Variants in RYR3 observed in about 807,000 individuals in gnomAD.
RYR3 encodes the protein brain ryanodine receptor-calcium release channel.
RYR3 carries 207 observed loss-of-function variants against 584.3 expected under a neutral mutation model. The ratio of observed to expected loss-of-function variants is 0.35; its 90% CI spans 0.32 to 0.40. The LOEUF (loss-of-function observed/expected upper bound fraction) is 0.40, where lower values mean the gene tolerates loss of function less well. Ranked by LOEUF, RYR3 falls within the 10% of genes least tolerant of loss-of-function variation. The pLI is 1.00. For missense variants in RYR3, 5,616 were observed against 6,089.2 expected (o/e 0.92, Z 2.59); for synonymous variants, 2,416 against 2,248.5 (o/e 1.07, Z -2.11).
intron 1 of RYR3, among the ~76,000 whole-genome samples, chr15:33,386,026 A>G (rs886996912): frequency 3.4e-4 from 52 of 152,154 alleles, no homozygotes; most frequent in African/African-American, 1.2e-3. Flanking sequence ...TTTTTAAAAC[A>G]TGTTACTGTT....
intron 3 of RYR3, among the ~76,000 whole-genome samples, chr15:33,522,465 C>T (rs1052652954): frequency 6.6e-6 from 1 of 152,158 alleles, no homozygotes; most frequent in Non-Finnish European, 1.5e-5. Flanking sequence ...GTCAATGGCT[C>T]AGGCACCTCT....
chr15:33,504,436 A>T (rs760829572), intron 3 of RYR3, among the ~76,000 whole-genome samples: 1 of 152,148 alleles, frequency 6.6e-6, no homozygotes, highest in Non-Finnish European at 1.5e-5. Context: ...AATATCTCAA[A>T]TTCAACCATT....
chr15:33,794,069 AAT>A (rs897939772), intron 67 of RYR3, among the ~76,000 whole-genome samples: 4 of 123,722 alleles, frequency 3.2e-5, no homozygotes, highest in Non-Finnish European at 6.3e-5. Flanking sequence ...TACATAAATA[AAT>A]ATATATAAAT....
intron 43 of RYR3, among the ~76,000 whole-genome samples, chr15:33,713,701 A>C (rs1403181560): frequency 6.6e-6 from 1 of 152,118 alleles, no homozygotes; most frequent in African/African-American, 2.4e-5. Context: ...AAACAACGTA[A>C]ATTTATCTCT....
intron 1 of RYR3, among the ~76,000 whole-genome samples, chr15:33,362,876 A>G (rs888970166): frequency 6.6e-6 from 1 of 152,110 alleles, no homozygotes; most frequent in Non-Finnish European, 1.5e-5. Flanking sequence ...TCAGGGGGTT[A>G]CCTGTATCAT....
chr15:33,850,129 C>T (rs568911668), intron 94 of RYR3: 4 of 152,158 alleles, frequency 2.6e-5, no homozygotes, highest in African/African-American at 4.8e-5. Flanking sequence ...GCCTGTAATC[C>T]CAGCGCTTTG....
intron 10 of RYR3, among the ~76,000 whole-genome samples, chr15:33,551,132 C>T (rs1009198996): frequency 6.6e-6 from 1 of 152,214 alleles, no homozygotes; most frequent in Non-Finnish European, 1.5e-5. Context: ...GAGCTAACTT[C>T]TGACAGACAG....
At chr15:33,798,525 A>G (rs2075751719) in intron 67 of RYR3, among the ~76,000 whole-genome samples, 1 of 152,248 alleles carries the variant, frequency 6.6e-6, no homozygotes, top group Non-Finnish European at 1.5e-5. Context: ...GGAGAAAGGC[A>G]AAAAGACACC....
intron 3 of RYR3, among the ~76,000 whole-genome samples, chr15:33,504,022 C>T (rs2052240823): frequency 6.6e-6 from 1 of 152,186 alleles, no homozygotes; most frequent in Non-Finnish European, 1.5e-5. Flanking sequence ...CCAGAATTCA[C>T]CAGCGAATGT....
At chr15:33,679,688 T>C (rs899758360) in intron 38 of RYR3, among the ~76,000 whole-genome samples, 1 of 152,224 alleles carries the variant, frequency 6.6e-6, no homozygotes, top group Admixed American at 6.5e-5. Flanking sequence ...AGGACTCTTA[T>C]TCCCTGACCA....
At chr15:33,685,229 C>A (rs1313089218) in intron 38 of RYR3, among the ~76,000 whole-genome samples, 1 of 152,002 alleles carries the variant, frequency 6.6e-6, no homozygotes. Flanking sequence ...CACATAGGCT[C>A]AAAACAAAGG....
At chr15:33,362,962 T>C (rs1171399808) in intron 1 of RYR3, among the ~76,000 whole-genome samples, 3 of 152,182 alleles carry the variant, frequency 2.0e-5, no homozygotes, top group East Asian at 3.9e-4. Flanking sequence ...GGGTCTGTAC[T>C]CTCCTATTAG....
chr15:33,601,662 A>G (rs1030890959), intron 17 of RYR3, 110 bp downstream of exon 17: 14 of 1,155,760 alleles, frequency 1.2e-5, no homozygotes, highest in Middle Eastern at 2.0e-4. Context: ...CATTGTTTCC[A>G]TGGTGATACA....
At chr15:33,864,278 C>T in intron 103 of RYR3, 89 bp downstream of exon 103, 1 of 988,828 alleles carries the variant, frequency 1.0e-6, no homozygotes, top group Non-Finnish European at 1.5e-6. Flanking sequence ...GAAATACATA[C>T]ATGGCCCCAT....
chr15:33,530,567 ACCTTAT>A lies in RYR3; in HGVS notation c.280-24_280-19del. ...GAGAAGCCACAACGGGCATGTGCTG[ACCTTAT>A]TCTTCCTCATTCCCACAGGCAGCAC... On this transcript the variant is annotated intron_variant, in intron 3 of 103. Coordinates refer to ENST00000634891, the MANE Select transcript of RYR3 (RefSeq NM_001036.6). The A allele has an allele frequency of 6.4e-7, 1 of 1,567,714 alleles. No individual in the cohort carries two copies.
At chr15:33,633,902 G>A (rs1194559650) in intron 24 of RYR3, among the ~76,000 whole-genome samples, 1 of 152,200 alleles carries the variant, frequency 6.6e-6, no homozygotes, top group African/African-American at 2.4e-5. Context: ...TCATGAGGAG[G>A]CTATAGCAAC....
At position 33,857,929 on chromosome 15, in the gene RYR3, A is replaced by C. The variant is rs1178782053; in HGVS notation, c.14142+15A>C. The C allele has an allele frequency of 2.9e-6, 4 of 1,380,050 alleles. No individual in the cohort carries two copies. The highest frequency in any genetic ancestry group is 3.9e-6 in the Non-Finnish European group (4 of 1,037,648). 85.5% of individuals were successfully genotyped at this position (1,380,050 alleles called of 1,614,324 possible). The stretch of plus-strand genomic sequence containing the variant: ...ACATGATGACGGTGAGAGCCCACCC[A>C]CTGCGGGGCCAGCCCACCCACTGCG... On this transcript the variant is annotated intron_variant, in intron 99 of 103. Transcript: ENST00000634891.
chr15:33,637,861 T>C (rs746585614), intron 27 of RYR3, among the ~76,000 whole-genome samples: 8 of 152,200 alleles, frequency 5.3e-5, no homozygotes, highest in African/African-American at 1.7e-4. Context: ...TGCAGGTTTG[T>C]TACATATGTA....
chr15:33,729,058 T>A (rs1474585576), intron 47 of RYR3, 32 bp downstream of exon 47: 1 of 1,590,728 alleles, frequency 6.3e-7, no homozygotes, highest in Admixed American at 1.7e-5. Flanking sequence ...AAATTATTGT[T>A]CCCATCATTG....
Sources: gnomAD v4.1 joint callset for allele counts (sites outside exome capture counted in the v4.1 genomes callset) on GRCh38, gnomAD v4.1.1 for gene constraint, MANE v1.5 for transcripts, NCBI Gene and HGNC (gene_info 2026-07-23, HGNC 2026-07-21) for gene names.